The following DGKB variants were observed in gnomAD, a reference collection of about 807,000 sequenced individuals.
DGKB encodes 90 kDa diacylglycerol kinase.
DGKB carries 67 observed loss-of-function variants against 114.3 expected under a neutral mutation model. The observed-to-expected ratio is 0.59, with a 90% CI of 0.48 to 0.72. The LOEUF is 0.72. Among genes scored for constraint, DGKB ranks in the 30% least tolerant of loss-of-function variants. DGKB has a pLI of 0.00. For missense variants in DGKB, 907 were observed against 975.2 expected, an observed-to-expected ratio of 0.93 and a Z score of 0.93; for synonymous variants, 398 against 323.1, an observed-to-expected ratio of 1.23 and a Z score of -2.49.
chr7:14,759,627 G>T (rs1037714412), intron 2 of DGKB, among the ~76,000 whole-genome samples: 1 of 152,046 alleles, frequency 6.6e-6, no homozygotes, highest in South Asian at 2.1e-4. Context: ...CCATTATAAT[G>T]AATATACTCC....
chr7:14,388,457 T>A (rs1256474006), intron 21 of DGKB, among the ~76,000 whole-genome samples: 1 of 148,582 alleles, frequency 6.7e-6, no homozygotes, highest in African/African-American at 2.4e-5. Flanking sequence ...AATATATATA[T>A]CTAAGTAAAA....
chr7:14,455,472 C>A (rs2128854354), intron 21 of DGKB, among the ~76,000 whole-genome samples: 1 of 152,026 alleles, frequency 6.6e-6, no homozygotes, highest in East Asian at 1.9e-4. Context: ...ATTATTTATG[C>A]CATTATTCTG....
At position 14,958,407 on chromosome 7, in the gene DGKB, C is replaced by T. The variant is rs1345838214; in HGVS notation, c.-188+16289G>A. On this transcript the variant is annotated intron_variant, in intron 1 of 4. Transcript: ENST00000437998. ...CTAGTTTTCCTGTTAAGCCCAAACCCCACACCAATACCTCTCCCAACACAC... is the reference window on the plus strand; with the variant it reads ...CTAGTTTTCCTGTTAAGCCCAAACCTCACACCAATACCTCTCCCAACACAC... Among the ~76,000 whole-genome samples, 4 of 145,270 alleles carry T rather than the reference C, an allele frequency of 2.8e-5. No individual in the cohort carries two copies. In the East Asian group the frequency reaches 8.6e-4, roughly 31 times the overall value.
At position 14,147,809 on chromosome 7, in the gene DGKB, A is replaced by C. The variant is rs1781638992; in HGVS notation, c.*1322T>G. 6.6e-6 allele frequency: 1 copy of C among 152,548 alleles called. No homozygotes were observed. Among genetic ancestry groups the C allele is most frequent in the Admixed American group, 6.6e-5 (1 of 15,258 alleles). The allele number at this position is 152,548 out of a possible 1,614,324, so 9.4% of individuals were successfully genotyped here. On this transcript the variant is annotated 3_prime_UTR_variant, in exon 26 of 26. Coordinates refer to ENST00000402815, the MANE Select transcript of DGKB (RefSeq NM_001350709.2). ...ACATCATAGGCTTAATGAAACACTA[A>C]AAGAAAAGTACTGTTCTGTGATTTC...
At chr7:14,237,536 A>T (rs1792989459) in intron 23 of DGKB, among the ~76,000 whole-genome samples, 1 of 151,958 alleles carries the variant, frequency 6.6e-6, no homozygotes, top group Non-Finnish European at 1.5e-5. Flanking sequence ...GTAAGTATAG[A>T]TAATATATAT....
chr7:14,434,232 G>A (rs1044583516), intron 21 of DGKB, among the ~76,000 whole-genome samples: 3 of 152,088 alleles, frequency 2.0e-5, no homozygotes, highest in African/African-American at 7.2e-5. Context: ...TAAACCCTTT[G>A]TGTTAGGCAG....
intron 20 of DGKB, among the ~76,000 whole-genome samples, chr7:14,485,273 T>C (rs1783624874): frequency 6.6e-6 from 1 of 151,002 alleles, no homozygotes; most frequent in African/African-American, 2.4e-5. Context: ...GATTGCATTT[T>C]TTGTCTTTTA....
At chr7:14,340,762 C>T (rs1366239999) in intron 22 of DGKB, among the ~76,000 whole-genome samples, 1 of 151,718 alleles carries the variant, frequency 6.6e-6, no homozygotes, top group African/African-American at 2.4e-5. Flanking sequence ...GGTCTGGCTT[C>T]CCCCAAACTG....
intron 13 of DGKB, among the ~76,000 whole-genome samples, chr7:14,671,465 C>T (rs1818950850): frequency 6.6e-6 from 1 of 152,164 alleles, no homozygotes; most frequent in South Asian, 2.1e-4. Flanking sequence ...AGAATAAAAA[C>T]TGTCTAAAAA....
chr7:14,391,281 G>T (rs567399114), intron 21 of DGKB, among the ~76,000 whole-genome samples: 1 of 152,298 alleles, frequency 6.6e-6, no homozygotes, highest in Admixed American at 6.5e-5. Flanking sequence ...GACTGTGACA[G>T]ATTTTGCTCC....
chr7:14,778,886 T>G (rs1191424630), intron 2 of DGKB, among the ~76,000 whole-genome samples: 2 of 152,240 alleles, frequency 1.3e-5, no homozygotes, highest in Non-Finnish European at 2.9e-5. Context: ...CCAGGCACAG[T>G]GGCTCACACC....
At chr7:14,231,127 C>CTTTCTTTCTTTTTCTTTCTTTCTTTCTT (rs766348040) in intron 23 of DGKB, among the ~76,000 whole-genome samples, 7 of 125,100 alleles carry the variant, frequency 5.6e-5, no homozygotes, top group African/African-American at 2.1e-4. Flanking sequence ...TTCTTTCTTT[C>CTTTCTTTCTTTTTCTTTCTTTCTTTCTT]TTTCTTTCTT....
At chr7:14,507,981 C>T (rs1787364066) in intron 20 of DGKB, among the ~76,000 whole-genome samples, 1 of 152,142 alleles carries the variant, frequency 6.6e-6, no homozygotes, top group Non-Finnish European at 1.5e-5. Flanking sequence ...TTTAAATCTA[C>T]TTTTGGCTAC....
chr7:14,722,529 C>G (rs1329815449), intron 5 of DGKB, among the ~76,000 whole-genome samples: 1 of 152,168 alleles, frequency 6.6e-6, no homozygotes, highest in East Asian at 1.9e-4. Context: ...AATAAAAAAG[C>G]TTGGCCAGGC....
chr7:14,864,808 T>A (rs192452394), intron 1 of DGKB, among the ~76,000 whole-genome samples: 2 of 140,984 alleles, frequency 1.4e-5, no homozygotes, highest in African/African-American at 2.5e-5. Flanking sequence ...AAAAAAAAAA[T>A]ATGGGGCTAG....
At chr7:14,189,965 T>A (rs547153788) in intron 23 of DGKB, among the ~76,000 whole-genome samples, 1 of 152,250 alleles carries the variant, frequency 6.6e-6, no homozygotes, top group African/African-American at 2.4e-5. Flanking sequence ...AGTAGGGGAT[T>A]ACACCCACTT....
chr7:14,164,838 C>T (rs890142239), intron 25 of DGKB, among the ~76,000 whole-genome samples: 5 of 151,960 alleles, frequency 3.3e-5, no homozygotes, highest in Admixed American at 1.3e-4. Flanking sequence ...TTAAATATAA[C>T]AATACTTAAT....
intron 14 of DGKB, among the ~76,000 whole-genome samples, chr7:14,622,176 C>G (rs939222899): frequency 6.6e-6 from 1 of 152,136 alleles, no homozygotes; most frequent in African/African-American, 2.4e-5. Context: ...CTTCTCAAAT[C>G]TTTCAGCAGC....
rs555391181 is a variant in DGKB, at chr7:14,181,306, G to A, written c.2123-3155C>T. Among the ~76,000 whole-genome samples, 5 of 152,198 alleles carry A rather than the reference G, an allele frequency of 3.3e-5. No individual in the cohort carries two copies. The East Asian group carries it at 5.8e-4, about 18-fold the overall frequency. ...ACATGAACACTTTCAGGTCACTAAG[G>A]TTGTCACTTTAGTACTGCAGCTATA... On this transcript the variant is annotated intron_variant, in intron 23 of 25. Coordinates refer to ENST00000402815, the MANE Select transcript of DGKB (RefSeq NM_001350709.2).
Sources: allele counts gnomAD v4.1 joint callset (sites outside exome capture counted in the v4.1 genomes callset), GRCh38; gene constraint gnomAD v4.1.1; transcripts MANE v1.5; gene names NCBI Gene and HGNC (gene_info 2026-07-23, HGNC 2026-07-21).